PCDH9: variants seen among roughly 807,000 people sequenced by gnomAD.
PCDH9 encodes the protein protocadherin 9, also known as protocadherin-9.
In PCDH9, 24 loss-of-function variants were observed where a neutral mutation model predicts 70.6. The ratio of observed to expected loss-of-function variants is 0.34; its 90% CI spans 0.25 to 0.48. The LOEUF (loss-of-function observed/expected upper bound fraction) is 0.48, where lower values mean the gene tolerates loss of function less well. Among genes scored for constraint, PCDH9 ranks in the 20% least tolerant of loss-of-function variants. PCDH9 has a pLI of 0.99. For synonymous variants in PCDH9, 562 were observed against 558.5 expected (o/e 1.01, Z -0.09); for missense variants, 1,281 against 1,503.6 (o/e 0.85, Z 2.45).
chr13:66,627,992 A>G (rs371996308), intron 4 of PCDH9, among the ~76,000 whole-genome samples: 4 of 152,186 alleles, frequency 2.6e-5, no homozygotes, highest in East Asian at 1.9e-4. Flanking sequence ...CATACTTTAA[A>G]AGCTAGGAAA....
chr13:66,373,586 A>G (rs1017245133), intron 4 of PCDH9, among the ~76,000 whole-genome samples: 1 of 152,062 alleles, frequency 6.6e-6, no homozygotes, highest in Non-Finnish European at 1.5e-5. Context: ...ACACTCGTAT[A>G]TTTAATCAGA....
chr13:67,207,128 T>C (rs2089368665), intron 2 of PCDH9: 2 of 151,286 alleles, frequency 1.3e-5, no homozygotes, highest in Admixed American at 6.6e-5. Flanking sequence ...GTGGCAAAAT[T>C]TGTATAATAA....
chr13:66,889,675 A>T (rs2082064793), intron 3 of PCDH9, among the ~76,000 whole-genome samples: 1 of 152,178 alleles, frequency 6.6e-6, no homozygotes, highest in Admixed American at 6.6e-5. Context: ...CTACCAGGAG[A>T]GTAAACACTC....
At chr13:66,678,325 A>C (rs984679666) in intron 3 of PCDH9, among the ~76,000 whole-genome samples, 1 of 152,108 alleles carries the variant, frequency 6.6e-6, no homozygotes, top group Non-Finnish European at 1.5e-5. Context: ...AAGTGTGTAT[A>C]TAAATTAACG....
chr13:66,373,172 T>A (rs913486009), intron 4 of PCDH9, among the ~76,000 whole-genome samples: 2 of 151,954 alleles, frequency 1.3e-5, no homozygotes, highest in African/African-American at 4.8e-5. Context: ...GGAAGGAAAT[T>A]CTGACACAAA....
intron 3 of PCDH9, among the ~76,000 whole-genome samples, chr13:66,724,568 C>T (rs1192455733): frequency 6.6e-6 from 1 of 152,118 alleles, no homozygotes; most frequent in Non-Finnish European, 1.5e-5. Context: ...AATGATGTCC[C>T]GGAAGCCAAA....
At chr13:67,058,569 C>G (rs141356816) in intron 2 of PCDH9, among the ~76,000 whole-genome samples, 2 of 152,104 alleles carry the variant, frequency 1.3e-5, no homozygotes, top group Non-Finnish European at 2.9e-5. Flanking sequence ...CTTTTCCTCC[C>G]GCCACAAAAG....
chr13:66,447,276 T>G (rs948165460), intron 4 of PCDH9, among the ~76,000 whole-genome samples: 6 of 152,184 alleles, frequency 3.9e-5, no homozygotes, highest in Admixed American at 6.5e-5. Context: ...TCAACACAAC[T>G]CCACTTGAAC....
At chr13:66,368,117 A>G (rs1297752731) in intron 4 of PCDH9, among the ~76,000 whole-genome samples, 1 of 152,128 alleles carries the variant, frequency 6.6e-6, no homozygotes, top group Non-Finnish European at 1.5e-5. Flanking sequence ...AATAAAATTC[A>G]GTTTAAAAAA....
intron 3 of PCDH9, among the ~76,000 whole-genome samples, chr13:66,868,714 A>G (rs1280196867): frequency 6.6e-6 from 1 of 152,124 alleles, no homozygotes; most frequent in Non-Finnish European, 1.5e-5. Flanking sequence ...TAAGAGACAT[A>G]TGACATGAAA....
rs769154689 is a variant in PCDH9, at chr13:66,682,277, ATTTT to A, written c.3139-50870_3139-50867del. On this transcript the variant is annotated intron_variant, in intron 3 of 4. Coordinates refer to ENST00000377865, the MANE Select transcript of PCDH9 (RefSeq NM_203487.3). Reference sequence around the variant, plus strand: ...GCCCATCGCCATTATAACACATAAAATTTTTGTGTCACTTCAGGCAATATTACCT... The same window carrying A: ...GCCCATCGCCATTATAACACATAAAATGTGTCACTTCAGGCAATATTACCT... Among the ~76,000 whole-genome samples the A allele has an allele frequency of 1.9e-4, 29 of 152,040 alleles. 1 individual carries two copies. Among genetic ancestry groups the A allele is most frequent in the Admixed American group, 1.1e-3 (16 of 15,232 alleles).
intron 2 of PCDH9, chr13:67,202,695 TGTA>T (rs2089244792): frequency 6.6e-6 from 1 of 152,138 alleles, no homozygotes; most frequent in South Asian, 2.1e-4. Context: ...GGCATAAAAC[TGTA>T]AAACAGGGGT....
chr13:66,788,646 T>C (rs924889142), intron 3 of PCDH9, among the ~76,000 whole-genome samples: 2 of 131,704 alleles, frequency 1.5e-5, no homozygotes, highest in African/African-American at 5.9e-5. Flanking sequence ...AGCTAAACAG[T>C]AATTTTTTTT....
At chr13:67,065,345 T>C (rs1045171941) in intron 2 of PCDH9, among the ~76,000 whole-genome samples, 1 of 152,196 alleles carries the variant, frequency 6.6e-6, no homozygotes, top group African/African-American at 2.4e-5. Flanking sequence ...ATAGAATACA[T>C]GAAAACAAAT....
intron 2 of PCDH9, among the ~76,000 whole-genome samples, chr13:66,972,215 G>C (rs2083536001): frequency 2.0e-5 from 3 of 151,968 alleles, no homozygotes; most frequent in Non-Finnish European, 2.9e-5. Flanking sequence ...AATTTTTCTA[G>C]TTATTAGACA....
intron 4 of PCDH9, among the ~76,000 whole-genome samples, chr13:66,421,286 A>C (rs993687804): frequency 2.0e-5 from 3 of 152,206 alleles, no homozygotes; most frequent in African/African-American, 7.2e-5. Context: ...TCCCCGACCT[A>C]GCAAGACAGG....
At chr13:67,189,207 C>CGTGTGT (rs71110636) in intron 2 of PCDH9, among the ~76,000 whole-genome samples, 14,974 of 149,530 alleles carry the variant, frequency 0.1, 949 homozygotes, top group Non-Finnish European at 0.14. Flanking sequence ...TACATATATA[C>CGTGTGT]GTGTGTGTGT....
chr13:66,852,142 TATC>T (rs1170888332), intron 3 of PCDH9, among the ~76,000 whole-genome samples: 1 of 152,098 alleles, frequency 6.6e-6, no homozygotes, highest in Admixed American at 6.6e-5. Flanking sequence ...GACTTCAACA[TATC>T]ATTCTACAAG....
At chr13:66,754,921 A>C (rs1363528341) in intron 3 of PCDH9, among the ~76,000 whole-genome samples, 2 of 152,128 alleles carry the variant, frequency 1.3e-5, no homozygotes, top group African/African-American at 4.8e-5. Flanking sequence ...TCTAGAATTT[A>C]TTTTTGTGTG....
Sources: gnomAD v4.1 joint callset for allele counts (sites outside exome capture counted in the v4.1 genomes callset) on GRCh38, gnomAD v4.1.1 for gene constraint, MANE v1.5 for transcripts, NCBI Gene and HGNC (gene_info 2026-07-23, HGNC 2026-07-21) for gene names.